The following ITPR1 variants were observed in gnomAD, a reference collection of about 807,000 sequenced individuals.
ITPR1 encodes inositol 1,4,5-trisphosphate-gated calcium channel ITPR1.
Under a neutral mutation model 318.4 loss-of-function variants are expected in ITPR1, and 96 were observed. That is an observed-to-expected ratio of 0.30 (90% confidence interval 0.26 to 0.36). ITPR1 has a LOEUF of 0.36. Ranked by LOEUF, ITPR1 falls within the 10% of genes least tolerant of loss-of-function variation. The pLI, the probability that ITPR1 is intolerant of heterozygous loss-of-function variation, is 1.00. For missense variants in ITPR1, 2,440 were observed against 3,460.2 expected (o/e 0.71, Z 7.40); for synonymous variants, 1,312 against 1,289.9 (o/e 1.02, Z -0.37).
At chr3:4,559,710 T>C (rs368035472) in intron 4 of ITPR1, among the ~76,000 whole-genome samples, 23 of 152,218 alleles carry the variant, frequency 1.5e-4, no homozygotes, top group East Asian at 9.6e-4. Flanking sequence ...TTTTATTAAG[T>C]GTTTTAAATT....
chr3:4,673,881 C>A (rs954607124), intron 21 of ITPR1, among the ~76,000 whole-genome samples: 4 of 152,186 alleles, frequency 2.6e-5, no homozygotes, highest in African/African-American at 4.8e-5. Context: ...CGCGCCTGGC[C>A]CCGATTGTAT....
chr3:4,658,212 A>G lies in ITPR1; in HGVS notation c.1085A>G (p.Asn362Ser). ...TCCCTGGTCTCTGTGCCTGAAGGCA[A>G]TGACATCTCCTCCATTTTCGAGCTA... is the stretch of plus-strand genomic sequence containing the variant. ...VYSLVSVPEG[N>S]DISSIFELDP... Residue 362 changes from asparagine (N) to serine (S), a missense_variant, in exon 13 of 62, where the codon AAT becomes AGT. Transcript: ENST00000649015. 8 of 1,613,694 alleles carry G rather than the reference A, an allele frequency of 5.0e-6. No homozygotes were observed. Among genetic ancestry groups the G allele is most frequent in the Non-Finnish European group, 6.8e-6 (8 of 1,179,702 alleles).
intron 44 of ITPR1, among the ~76,000 whole-genome samples, chr3:4,755,459 G>A (rs1305355522): frequency 6.7e-6 from 1 of 149,752 alleles, no homozygotes; most frequent in Non-Finnish European, 1.5e-5. Context: ...GGCTGGTCTT[G>A]AAATCCTGGG....
intron 46 of ITPR1, among the ~76,000 whole-genome samples, chr3:4,774,873 C>T (rs996062375): frequency 3.9e-5 from 6 of 152,318 alleles, no homozygotes; most frequent in East Asian, 1.9e-4. Context: ...ACAAAACCAC[C>T]GCCCTTGGAA....
At chr3:4,727,078 G>A (rs2042570410) in intron 41 of ITPR1, 48 bp from the exon 42 acceptor site, 4 of 1,437,518 alleles carry the variant, frequency 2.8e-6, no homozygotes, top group East Asian at 2.3e-5. Context: ...GCAGATGGTA[G>A]TGTCTCCTTA....
At chr3:4,588,786 G>A (rs1249616109) in intron 4 of ITPR1, among the ~76,000 whole-genome samples, 3 of 151,918 alleles carry the variant, frequency 2.0e-5, no homozygotes, top group East Asian at 3.9e-4. Flanking sequence ...CCTCAAACCT[G>A]TTCCATCCCT....
chr3:4,779,703 A>G lies in ITPR1; in HGVS notation c.6387+58A>G, dbSNP rs2125393388. On this transcript the variant is annotated intron_variant, in intron 49 of 61. Transcript: ENST00000649015. This position sits in a 1 kb window ranked among gnomAD's most constrained non-coding sequence, Gnocchi z 4.0. ...AAGGAGCATTGCGACGATATTTGGG[A>G]CAGAGCAGAGGATCTGCTTCCTGGA... 1 of 1,239,386 alleles carries G rather than the reference A, an allele frequency of 8.1e-7. No individual in the cohort carries two copies. The highest frequency in any genetic ancestry group is 1.2e-6 in the Non-Finnish European group (1 of 843,224). The allele number at this position is 1,239,386 out of a possible 1,614,324, so 76.8% of individuals were successfully genotyped here. A position where few individuals can be genotyped will look rare whatever the true frequency, so the allele number is the denominator to read the frequency against.
At chr3:4,711,953 C>A in intron 39 of ITPR1, 85 bp downstream of exon 39, 4 of 578,704 alleles carry the variant, frequency 6.9e-6, no homozygotes, top group South Asian at 3.2e-5. Flanking sequence ...TTAGCTCAGG[C>A]ATTACTGACT....
chr3:4,644,282 G>T, intron 8 of ITPR1, 48 bp downstream of exon 8: 1 of 1,305,300 alleles, frequency 7.7e-7, no homozygotes. Flanking sequence ...CTGCAGGAGC[G>T]GGTCTGGCAG....
chr3:4,685,032 C>G lies in ITPR1; in HGVS notation c.3565-37C>G, dbSNP rs538217765. The G allele has an allele frequency of 6.3e-6, 10 of 1,596,054 alleles. No individual in the cohort carries two copies. In the East Asian group the frequency reaches 9.0e-5, roughly 14 times the overall value. Reference sequence around the variant, plus strand: ...CTGCAATCTTTTTCCAGCTATAGTTCCTAGTTTTCTGAGACTGATTTCTTT... The same window carrying G: ...CTGCAATCTTTTTCCAGCTATAGTTGCTAGTTTTCTGAGACTGATTTCTTT... On this transcript the variant is annotated intron_variant, in intron 29 of 61. Transcript: ENST00000649015.
rs544764212 is a variant in ITPR1, at chr3:4,780,074, G to C, written c.6387+429G>C. 1.6e-3 allele frequency among the ~76,000 whole-genome samples: 241 copies of C among 151,970 alleles called. 2 individuals carry two copies. The highest frequency in any genetic ancestry group is 5.4e-3 in the African/African-American group (225 of 41,466). Reference sequence around the variant, plus strand: ...AGTCCATAGCTCTGCCTGTTTTGCTGTGTTACCTTAGACTTCTCTGAGCTG... The same window carrying C: ...AGTCCATAGCTCTGCCTGTTTTGCTCTGTTACCTTAGACTTCTCTGAGCTG... On this transcript the variant is annotated intron_variant, in intron 49 of 61. Coordinates refer to ENST00000649015, the MANE Select transcript of ITPR1 (RefSeq NM_001378452.1).
intron 54 of ITPR1, 91 bp from the exon 55 acceptor site, chr3:4,806,012 C>T (rs1559928211): frequency 7.0e-6 from 8 of 1,146,744 alleles, no homozygotes; most frequent in Non-Finnish European, 9.8e-6. Flanking sequence ...GGCACGGTGA[C>T]TGAAATACAT....
At chr3:4,677,585 T>C (rs1221681874) in intron 24 of ITPR1, among the ~76,000 whole-genome samples, 1 of 151,924 alleles carries the variant, frequency 6.6e-6, no homozygotes, top group Non-Finnish European at 1.5e-5. Context: ...ACAGGTGGGG[T>C]TCAAGAGGGA....
At chr3:4,637,026 T>G (rs566700798) in intron 5 of ITPR1, among the ~76,000 whole-genome samples, 1 of 152,232 alleles carries the variant, frequency 6.6e-6, no homozygotes, top group East Asian at 1.9e-4. Flanking sequence ...TTCTTGAGAG[T>G]AAGGGGAATG....
intron 4 of ITPR1, among the ~76,000 whole-genome samples, chr3:4,532,202 A>G (rs940973500): frequency 5.9e-5 from 9 of 152,290 alleles, no homozygotes; most frequent in African/African-American, 2.2e-4. Context: ...GTTCTGGACT[A>G]TATTAGGAAC....
At chr3:4,748,633 A>C (rs1445275277) in intron 44 of ITPR1, among the ~76,000 whole-genome samples, 1 of 152,148 alleles carries the variant, frequency 6.6e-6, no homozygotes, top group African/African-American at 2.4e-5. Flanking sequence ...GATGCACTGC[A>C]GATAGCTATT....
rs9875606 is a variant in ITPR1 at position 4,826,596 on chromosome 3, C to T, written c.8028+8354C>T. The stretch of plus-strand genomic sequence containing the variant: ...CACCCTGTGCACTTGGGCTTGGGTT[C>T]GTGTCAGTGGCAGCTGCACAAAGCA... On this transcript the variant is annotated intron_variant, in intron 60 of 61. Coordinates refer to ENST00000649015, the MANE Select transcript of ITPR1 (RefSeq NM_001378452.1). The surrounding 1 kb of genome is among the most constrained non-coding windows in gnomAD (Gnocchi z 4.2). Among the ~76,000 whole-genome samples, 1,907 of 152,338 alleles carry T rather than the reference C, an allele frequency of 0.013. 15 individuals carry two copies. Among genetic ancestry groups the T allele is most frequent in the Non-Finnish European group, 0.02 (1,389 of 68,032 alleles).
chr3:4,802,825 T>TA lies in ITPR1; in HGVS notation c.7107+2236dup, dbSNP rs529196175. ...GCCTGGGTGACAGAATGAGACTGAT[T>TA]AAAAAAAAAAAGAAAGAAAGAAAGA... is the stretch of plus-strand genomic sequence containing the variant. On this transcript the variant is annotated intron_variant, in intron 54 of 61. Coordinates refer to ENST00000649015, the MANE Select transcript of ITPR1 (RefSeq NM_001378452.1). 2.4e-3 allele frequency among the ~76,000 whole-genome samples: 339 copies of TA among 141,144 alleles called. 6 individuals carry two copies. Among genetic ancestry groups the TA allele is most frequent in the South Asian group, 0.015 (65 of 4,464 alleles). The allele number at this position is 141,144 out of a possible 152,430, so 92.6% of individuals were successfully genotyped here. A position where few individuals can be genotyped will look rare whatever the true frequency, so the allele number is the denominator to read the frequency against.
intron 17 of ITPR1, 46 bp from the exon 18 acceptor site, chr3:4,667,331 T>C: frequency 6.9e-7 from 1 of 1,448,474 alleles, no homozygotes; most frequent in Non-Finnish European, 9.5e-7. Flanking sequence ...TTAACCATAT[T>C]GTCATTTATC....
Sources: allele counts gnomAD v4.1 joint callset (sites outside exome capture counted in the v4.1 genomes callset), GRCh38; gene constraint gnomAD v4.1.1; non-coding constraint Gnocchi (gnomAD v3.1); transcripts MANE v1.5; gene names NCBI Gene and HGNC (gene_info 2026-07-23, HGNC 2026-07-21).